The following GFRA1 variants were observed in gnomAD, a reference collection of about 807,000 sequenced individuals.
GFRA1 encodes the protein GDNF family receptor alpha-1.
Under a neutral mutation model 51.6 loss-of-function variants are expected in GFRA1, and 16 were observed. The observed-to-expected ratio is 0.31, with a 90% CI of 0.21 to 0.47. The LOEUF (loss-of-function observed/expected upper bound fraction) is 0.47. Among genes scored for constraint, GFRA1 ranks in the 20% least tolerant of loss-of-function variants. GFRA1 has a pLI of 1.00. For missense variants in GFRA1, 530 were observed against 594.3 expected (o/e 0.89, Z 1.13); for synonymous variants, 270 against 241.3 (o/e 1.12, Z -1.10).
chr10:116,238,682 T>C (rs1967102150), intron 4 of GFRA1, among the ~76,000 whole-genome samples: 1 of 152,246 alleles, frequency 6.6e-6, no homozygotes. Context: ...TCCTCTGCAA[T>C]TATTCCAATC....
chr10:116,064,360 G>A lies in GFRA1; in HGVS notation c.*38C>T. On this transcript the variant is annotated 3_prime_UTR_variant, in exon 11 of 11. Coordinates refer to ENST00000355422, the MANE Select transcript of GFRA1 (RefSeq NM_005264.8). ...ACAGGAAACAGATAACTTGGTTTTT[G>A]TCTTTTTACATGTCCATATTGTATT... 6.3e-7 allele frequency: 1 copy of A among 1,585,828 alleles called. No individual in the cohort carries two copies.
rs183795785 is a variant in GFRA1, at chr10:116,109,953, T to C, written c.771-13189A>G. Among the ~76,000 whole-genome samples, 3 of 152,166 alleles carry C rather than the reference T, an allele frequency of 2.0e-5. No individual in the cohort carries two copies. In the East Asian group the frequency reaches 5.9e-4, roughly 30 times the overall value. Reference sequence around the variant, plus strand: ...CTCCTCCACAGGCAGGGGTGAGGATTAGAGCCCATATCCCAGTGTCTGGCA... The same window carrying C: ...CTCCTCCACAGGCAGGGGTGAGGATCAGAGCCCATATCCCAGTGTCTGGCA... On this transcript the variant is annotated intron_variant, in intron 6 of 10. Transcript: ENST00000355422.
rs181364147 is a variant in GFRA1 at position 116,084,746 on chromosome 10, T to G, written c.1197+4995A>C. Reference sequence around the variant, plus strand: ...AATTTTTCTAACGTTCCAAAGATATTTACTTTAAATAAGTAACACACACAC... The same window carrying G: ...AATTTTTCTAACGTTCCAAAGATATGTACTTTAAATAAGTAACACACACAC... On this transcript the variant is annotated intron_variant, in intron 9 of 10. Coordinates refer to ENST00000355422, the MANE Select transcript of GFRA1 (RefSeq NM_005264.8). 3.4e-3 allele frequency among the ~76,000 whole-genome samples: 476 copies of G among 139,534 alleles called. 5 individuals carry two copies. The highest frequency in any genetic ancestry group is 0.012 in the African/African-American group (460 of 37,500). The allele number at this position is 139,534 out of a possible 152,430, so 91.5% of individuals were successfully genotyped here.
chr10:116,169,688 C>A (rs1398811584), intron 5 of GFRA1, among the ~76,000 whole-genome samples: 1 of 152,196 alleles, frequency 6.6e-6, no homozygotes, highest in East Asian at 1.9e-4. Context: ...ACTCCATCCC[C>A]TTTCCAGCTC....
At chr10:116,096,869 GCA>G (rs1248729860) in intron 6 of GFRA1, 105 bp from the exon 7 acceptor site, 4 of 59,730 alleles carry the variant, frequency 6.7e-5, no homozygotes, top group Admixed American at 1.5e-4. Flanking sequence ...GCCTTTTTCT[GCA>G]CACGCACACG....
chr10:116,252,380 G>A lies in GFRA1; in HGVS notation c.418+17123C>T, dbSNP rs182223305. On this transcript the variant is annotated intron_variant, in intron 4 of 10. Coordinates refer to ENST00000355422, the MANE Select transcript of GFRA1 (RefSeq NM_005264.8). ...GGAACTTAATGAAGTTACCCTTCAG[G>A]TGGTAGGAACAGGGCACATGGAGGA... 8.3e-3 allele frequency among the ~76,000 whole-genome samples: 1,264 copies of A among 152,250 alleles called. 17 individuals are homozygous for A. The highest frequency in any genetic ancestry group is 0.029 in the African/African-American group (1,194 of 41,546).
Position 116,096,701 on chromosome 10 carries a change from T to G in GFRA1, c.834A>C (p.Leu278=). The G allele has an allele frequency of 6.2e-7, 1 of 1,612,822 alleles. No homozygotes were observed. The highest frequency in any genetic ancestry group is 8.5e-7 in the Non-Finnish European group (1 of 1,179,012). ...GGAGGCAGTCAGCGTAGTTTTCCTT[T>G]AGACAGCTGCTGACAGACCTTGACT... ...QPESRSVSSC[L]KENYADCLLA... is the part of the protein sequence containing the mutation. Residue 278 remains leucine (L), a synonymous_variant, in exon 7 of 11, where the codon CTA becomes CTC. Coordinates refer to ENST00000355422, the MANE Select transcript of GFRA1 (RefSeq NM_005264.8).
At chr10:116,133,217 G>C (rs1958179915) in intron 5 of GFRA1, among the ~76,000 whole-genome samples, 1 of 152,078 alleles carries the variant, frequency 6.6e-6, no homozygotes, top group African/African-American at 2.4e-5. Flanking sequence ...CCTCGGCTCT[G>C]TATTACCGAG....
intron 5 of GFRA1, among the ~76,000 whole-genome samples, chr10:116,175,787 A>G (rs1268770152): frequency 6.6e-6 from 1 of 152,250 alleles, no homozygotes; most frequent in African/African-American, 2.4e-5. Flanking sequence ...TTTCAAATTC[A>G]GGAGGAAATG....
chr10:116,088,067 T>C (rs1956171392), intron 9 of GFRA1, among the ~76,000 whole-genome samples: 1 of 152,104 alleles, frequency 6.6e-6, no homozygotes, highest in Admixed American at 6.5e-5. Context: ...TGTGTGAGTG[T>C]CTCTGAAGAC....
Position 116,272,044 on chromosome 10 carries a change from G to A in GFRA1, c.-15C>T, listed in dbSNP as rs540818633. 278 of 1,550,992 alleles carry A rather than the reference G, an allele frequency of 1.8e-4. 2 individuals carry two copies. In the South Asian group the frequency reaches 2.8e-3, roughly 16 times the overall value. On this transcript the variant is annotated 5_prime_UTR_variant, in exon 2 of 11. Transcript: ENST00000355422. The surrounding 1 kb of genome is among the most constrained non-coding windows in gnomAD (Gnocchi z 4.4). ...GCCAGGAACATGGTGCCGGCGCGGGGCTGGTCCCCGCCCCCCCAAAAAAAT... is the reference window on the plus strand; with the variant it reads ...GCCAGGAACATGGTGCCGGCGCGGGACTGGTCCCCGCCCCCCCAAAAAAAT...
chr10:116,202,666 A>C (rs894033389), intron 5 of GFRA1, among the ~76,000 whole-genome samples: 1 of 152,096 alleles, frequency 6.6e-6, no homozygotes, highest in Admixed American at 6.5e-5. Context: ...GGAGAGAGAG[A>C]GAGCTAAGGG....
At chr10:116,120,455 T>C (rs947398052) in intron 6 of GFRA1, among the ~76,000 whole-genome samples, 1 of 152,032 alleles carries the variant, frequency 6.6e-6, no homozygotes, top group African/African-American at 2.4e-5. Flanking sequence ...CATGGTAGCA[T>C]GCACCTGTAG....
At chr10:116,200,124 C>G (rs1425997685) in intron 5 of GFRA1, among the ~76,000 whole-genome samples, 1 of 152,138 alleles carries the variant, frequency 6.6e-6, no homozygotes, top group African/African-American at 2.4e-5. Flanking sequence ...TGATGGACAC[C>G]TGGACTATTT....
At chr10:116,157,926 C>T (rs956646582) in intron 5 of GFRA1, among the ~76,000 whole-genome samples, 20 of 152,148 alleles carry the variant, frequency 1.3e-4, no homozygotes, top group African/African-American at 4.8e-4. Context: ...CTGATGATCC[C>T]CTGGCTTTGC....
At chr10:116,078,825 A>G (rs556713826) in intron 9 of GFRA1, among the ~76,000 whole-genome samples, 1 of 152,130 alleles carries the variant, frequency 6.6e-6, no homozygotes, top group Non-Finnish European at 1.5e-5. Flanking sequence ...CCATTCTCTT[A>G]GATAAAAGGC....
chr10:116,057,678 G>A lies in GFRA1; in HGVS notation c.*6720C>T, dbSNP rs552854816. On this transcript the variant is annotated 3_prime_UTR_variant, in exon 11 of 11. Coordinates refer to ENST00000355422, the MANE Select transcript of GFRA1 (RefSeq NM_005264.8). ...CCACTCCCTTGGGCGAGGGAAGGGA[G>A]AAGAAGATAGATAATGAGGAGAACT... The A allele has an allele frequency of 9.9e-5, 15 of 151,614 alleles. No homozygotes were observed. The highest frequency in any genetic ancestry group is 3.6e-4 in the African/African-American group (15 of 41,384). The allele number at this position is 151,614 out of a possible 1,614,324, so 9.4% of individuals were successfully genotyped here.
At chr10:116,159,353 T>C (rs536831701) in intron 5 of GFRA1, among the ~76,000 whole-genome samples, 1 of 152,184 alleles carries the variant, frequency 6.6e-6, no homozygotes, top group Admixed American at 6.5e-5. Context: ...TGGGTCATAC[T>C]GGTTTCAAGA....
chr10:116,226,347 C>T (rs1011869215), intron 4 of GFRA1, among the ~76,000 whole-genome samples: 3 of 152,112 alleles, frequency 2.0e-5, no homozygotes, highest in Non-Finnish European at 2.9e-5. Flanking sequence ...ACTGCACCCT[C>T]GAAGAGTCAC....
Sources: gnomAD v4.1 joint callset for allele counts (sites outside exome capture counted in the v4.1 genomes callset) on GRCh38, gnomAD v4.1.1 for gene constraint, Gnocchi (gnomAD v3.1) non-coding constraint, MANE v1.5 for transcripts, NCBI Gene and HGNC (gene_info 2026-07-23, HGNC 2026-07-21) for gene names.